The following PDZD2 variants were observed in gnomAD, a reference collection of about 807,000 sequenced individuals.
PDZD2 encodes the protein PDZ domain-containing protein 2.
PDZD2 carries 90 observed loss-of-function variants against 220.7 expected under a neutral mutation model. The ratio of observed to expected loss-of-function variants is 0.41; its 90% CI spans 0.34 to 0.49. PDZD2 has a LOEUF of 0.49. PDZD2 is among the 20% of genes least tolerant of loss of function. The pLI is 0.28. For synonymous variants in PDZD2, 1,375 were observed against 1,450.5 expected, an observed-to-expected ratio of 0.95 and a Z score of 1.18; for missense variants, 3,174 against 3,608.5, an observed-to-expected ratio of 0.88 and a Z score of 3.08.
At chr5:31,887,119 T>G (rs911016278) in intron 2 of PDZD2, among the ~76,000 whole-genome samples, 1 of 152,230 alleles carries the variant, frequency 6.6e-6, no homozygotes, top group African/African-American at 2.4e-5. Context: ...TGGGCTGGGC[T>G]CATTCTTACT....
chr5:31,878,513 G>T (rs1030573553), intron 2 of PDZD2, among the ~76,000 whole-genome samples: 3 of 148,868 alleles, frequency 2.0e-5, no homozygotes, highest in Non-Finnish European at 4.4e-5. Context: ...GAAGAGCATG[G>T]ACACGTACAG....
chr5:32,046,266 A>G (rs1279516833), intron 7 of PDZD2, among the ~76,000 whole-genome samples: 1 of 152,072 alleles, frequency 6.6e-6, no homozygotes, highest in Non-Finnish European at 1.5e-5. Flanking sequence ...TTTTTGAGAC[A>G]GTCTCTCACA....
intron 1 of PDZD2, among the ~76,000 whole-genome samples, chr5:31,791,231 G>GCCTT (rs1561462402): frequency 1.3e-5 from 2 of 152,156 alleles, no homozygotes; most frequent in African/African-American, 2.4e-5. Context: ...TCTAAGCAAA[G>GCCTT]TGATAGTTCT....
At chr5:31,870,219 A>C (rs1738659036) in intron 2 of PDZD2, among the ~76,000 whole-genome samples, 1 of 152,152 alleles carries the variant, frequency 6.6e-6, no homozygotes, top group South Asian at 2.1e-4. Flanking sequence ...ATTTGAGAGA[A>C]AATGTGGAAA....
At chr5:31,827,162 T>C (rs2150263412) in intron 2 of PDZD2, among the ~76,000 whole-genome samples, 1 of 152,198 alleles carries the variant, frequency 6.6e-6, no homozygotes, top group East Asian at 1.9e-4. Context: ...AATCAGAAAA[T>C]CTGGGTTCTG....
chr5:31,918,981 A>T (rs1162281824), intron 2 of PDZD2, among the ~76,000 whole-genome samples: 3 of 152,230 alleles, frequency 2.0e-5, no homozygotes, highest in Admixed American at 6.5e-5. Flanking sequence ...ACGGCTGTGC[A>T]CTGAGCTCTC....
intron 10 of PDZD2, among the ~76,000 whole-genome samples, chr5:32,055,405 C>T (rs1046752865): frequency 6.6e-6 from 1 of 152,074 alleles, no homozygotes; most frequent in Admixed American, 6.6e-5. Flanking sequence ...CTATGTTACC[C>T]AGGCTGATCT....
rs4049928 is a variant in PDZD2, at chr5:31,765,079, GA to G, written c.-360-33797del. Among the ~76,000 whole-genome samples the G allele has an allele frequency of 4.4e-3, 651 of 148,858 alleles. 1 individual carries two copies. Among genetic ancestry groups the G allele is most frequent in the African/African-American group, 0.014 (557 of 40,534 alleles). On this transcript the variant is annotated intron_variant, in intron 1 of 24. Coordinates refer to ENST00000438447, the MANE Select transcript of PDZD2 (RefSeq NM_178140.4). ...GCCACAGAGCAAGACTGCGTCTCAA[GA>G]AAAAAAAAAAAAGAATTACCCAAAG...
chr5:31,931,079 G>C (rs1254254368), intron 2 of PDZD2, among the ~76,000 whole-genome samples: 1 of 152,180 alleles, frequency 6.6e-6, no homozygotes, highest in Non-Finnish European at 1.5e-5. Context: ...CTGGGGTATA[G>C]TGGCGCGATC....
Position 31,908,101 on chromosome 5 carries a change from A to G in PDZD2, c.477-75054A>G, listed in dbSNP as rs919999246. On this transcript the variant is annotated intron_variant, in intron 2 of 24. Transcript: ENST00000438447. ...CCGTCTCAAAAAAAAAAAAAAAAAA[A>G]AAAAAAAGAAAGAAAAGGATCAGGT... is the stretch of plus-strand genomic sequence containing the variant. Among the ~76,000 whole-genome samples, 135 of 148,724 alleles carry G rather than the reference A, an allele frequency of 9.1e-4. 2 individuals are homozygous for G. In the East Asian group the frequency reaches 0.024, roughly 27 times the overall value.
chr5:31,839,629 C>T (rs1368772458), intron 2 of PDZD2, among the ~76,000 whole-genome samples: 1 of 152,176 alleles, frequency 6.6e-6, no homozygotes, highest in East Asian at 1.9e-4. Flanking sequence ...GGGCAGATCG[C>T]TTGAGCATTA....
intron 7 of PDZD2, among the ~76,000 whole-genome samples, chr5:32,042,627 T>C (rs1041320299): frequency 2.6e-5 from 4 of 152,126 alleles, no homozygotes; most frequent in African/African-American, 9.7e-5. Context: ...TTTGTGCTCA[T>C]GACTCAGAAT....
chr5:31,906,816 C>G (rs1290032984), intron 2 of PDZD2, among the ~76,000 whole-genome samples: 1 of 152,040 alleles, frequency 6.6e-6, no homozygotes, highest in African/African-American at 2.4e-5. Context: ...GCACTCCAGC[C>G]TGGGCAACAG....
intron 1 of PDZD2, among the ~76,000 whole-genome samples, chr5:31,729,042 A>G (rs1050128712): frequency 2.0e-5 from 3 of 147,472 alleles, no homozygotes; most frequent in African/African-American, 7.5e-5. Context: ...TCTATGGTCT[A>G]TTAGTATATG....
At chr5:31,722,111 T>G (rs1028265457) in intron 1 of PDZD2, among the ~76,000 whole-genome samples, 1 of 152,136 alleles carries the variant, frequency 6.6e-6, no homozygotes, top group African/African-American at 2.4e-5. Flanking sequence ...CTAGACAACC[T>G]CACATTGCTT....
chr5:31,793,433 G>A (rs922129730), intron 1 of PDZD2, among the ~76,000 whole-genome samples: 1 of 152,188 alleles, frequency 6.6e-6, no homozygotes, highest in African/African-American at 2.4e-5. Flanking sequence ...CCTTCCCACA[G>A]ATATTCTTGT....
chr5:32,015,707 A>G (rs994847477), intron 6 of PDZD2, among the ~76,000 whole-genome samples: 5 of 152,072 alleles, frequency 3.3e-5, no homozygotes, highest in Admixed American at 3.3e-4. Context: ...AAAGAAAGAG[A>G]TTTTTCATGA....
chr5:31,817,709 G>A (rs1755557158), intron 2 of PDZD2, among the ~76,000 whole-genome samples: 3 of 151,932 alleles, frequency 2.0e-5, no homozygotes, highest in African/African-American at 7.3e-5. Flanking sequence ...TCTCACCCAG[G>A]CTGGAATGCA....
chr5:32,070,888 G>A (rs572702500), intron 15 of PDZD2, among the ~76,000 whole-genome samples: 3 of 88,148 alleles, frequency 3.4e-5, no homozygotes, highest in African/African-American at 1.3e-4. Flanking sequence ...CCAGCTACCC[G>A]GGAGGCTGAG....
Sources: gnomAD v4.1 joint callset for allele counts (sites outside exome capture counted in the v4.1 genomes callset) on GRCh38, gnomAD v4.1.1 for gene constraint, MANE v1.5 for transcripts, NCBI Gene and HGNC (gene_info 2026-07-23, HGNC 2026-07-21) for gene names.